SLC24A2: variants seen among roughly 807,000 people sequenced by gnomAD.
SLC24A2 encodes solute carrier family 24 member 2, also known as sodium/potassium/calcium exchanger 2.
In SLC24A2, 36 loss-of-function variants were observed where a neutral mutation model predicts 62.0. The ratio of observed to expected loss-of-function variants is 0.58; its 90% CI spans 0.44 to 0.77. The LOEUF (loss-of-function observed/expected upper bound fraction) is 0.77. Ranked by LOEUF, SLC24A2 falls within the 30% of genes least tolerant of loss-of-function variation. The probability of loss-of-function intolerance (pLI) is 0.00; values close to 1 mark genes in which losing one functional copy is unlikely to be tolerated. For missense variants in SLC24A2, 846 were observed against 817.9 expected (o/e 1.03, Z -0.42); for synonymous variants, 358 against 294.0 (o/e 1.22, Z -2.23).
chr9:19,800,865 G>C, the SLC24A2 span, among the ~76,000 whole-genome samples: 1 of 152,164 alleles, frequency 6.6e-6, no homozygotes, highest in African/African-American at 2.4e-5. Context: ...GAATTAATCT[G>C]TGTCTCTCTT....
intron 8 of SLC24A2, among the ~76,000 whole-genome samples, chr9:19,536,101 C>T (rs1833958226): frequency 1.3e-5 from 2 of 150,052 alleles, no homozygotes; most frequent in Non-Finnish European, 3.0e-5. Flanking sequence ...CTCTTTGTAG[C>T]AGTTGTGAAT....
the SLC24A2 span, among the ~76,000 whole-genome samples, chr9:19,943,141 C>T: frequency 6.6e-6 from 1 of 152,064 alleles, no homozygotes. Flanking sequence ...TAATGCATAC[C>T]TCTAAGTGCA....
At chr9:19,949,587 A>C in the SLC24A2 span, among the ~76,000 whole-genome samples, 1 of 152,196 alleles carries the variant, frequency 6.6e-6, no homozygotes. Flanking sequence ...GTGGCTGTCC[A>C]GTGGAGACTG....
chr9:19,636,319 C>CTTTTCTTTTCT (rs1554690372), intron 2 of SLC24A2, among the ~76,000 whole-genome samples: 82 of 43,376 alleles, frequency 1.9e-3, no homozygotes, highest in South Asian at 3.2e-3. Context: ...CTTTTCTTTT[C>CTTTTCTTTTCT]TTTCTTTCTT....
rs773358507 is a variant in SLC24A2, at chr9:19,749,918, C to G, written c.930+36019G>C. Among the ~76,000 whole-genome samples, 40 of 152,226 alleles carry G rather than the reference C, an allele frequency of 2.6e-4. No homozygotes were observed. In the Middle Eastern group the frequency reaches 0.017, roughly 65 times the overall value. ...TGCATTCTGCTAAAGGGACCATAAA[C>G]CAAATTCTCCCACCTGGGATCACCC... On this transcript the variant is annotated intron_variant, in intron 2 of 10. Transcript: ENST00000341998.
chr9:20,063,531 T>C, the SLC24A2 span, among the ~76,000 whole-genome samples: 2 of 149,160 alleles, frequency 1.3e-5, no homozygotes, highest in African/African-American at 4.9e-5. Flanking sequence ...TTGGGAGATA[T>C]ACCTAATCCA....
Position 19,743,943 on chromosome 9 carries a change from T to C in SLC24A2, c.930+41994A>G, listed in dbSNP as rs186044788. Reference sequence around the variant, plus strand: ...AAACTGTGGGGTTATGTTTATTTGATTGCTTAGTGGCTTAAAATGAAAAAT... The same window carrying C: ...AAACTGTGGGGTTATGTTTATTTGACTGCTTAGTGGCTTAAAATGAAAAAT... On this transcript the variant is annotated intron_variant, in intron 2 of 10. Coordinates refer to ENST00000341998, the MANE Select transcript of SLC24A2 (RefSeq NM_020344.4). 1.4e-3 allele frequency among the ~76,000 whole-genome samples: 208 copies of C among 152,260 alleles called. 1 individual carries two copies. The highest frequency in any genetic ancestry group is 4.6e-3 in the African/African-American group (193 of 41,558).
chr9:19,659,869 C>T (rs1235321474), intron 2 of SLC24A2, among the ~76,000 whole-genome samples: 1 of 152,102 alleles, frequency 6.6e-6, no homozygotes, highest in African/African-American at 2.4e-5. Flanking sequence ...TCATGAATAC[C>T]ATCAGAAGAG....
the SLC24A2 span, among the ~76,000 whole-genome samples, chr9:19,874,252 GT>G: frequency 2.0e-5 from 3 of 151,272 alleles, no homozygotes; most frequent in Non-Finnish European, 4.4e-5. Flanking sequence ...GCTAATTTTT[GT>G]TTTTTTAGTA....
chr9:19,613,883 C>G (rs1230350379), intron 4 of SLC24A2, among the ~76,000 whole-genome samples: 2 of 152,114 alleles, frequency 1.3e-5, no homozygotes, highest in Non-Finnish European at 1.5e-5. Flanking sequence ...GTCACCTTGC[C>G]TTAGTGGGGC....
At chr9:19,837,031 T>G in the SLC24A2 span, among the ~76,000 whole-genome samples, 1 of 152,138 alleles carries the variant, frequency 6.6e-6, no homozygotes, top group Admixed American at 6.5e-5. Flanking sequence ...TCAACAACCC[T>G]TCATGCTAAA....
At chr9:19,945,431 A>G in the SLC24A2 span, among the ~76,000 whole-genome samples, 3 of 152,146 alleles carry the variant, frequency 2.0e-5, no homozygotes, top group African/African-American at 7.2e-5. Flanking sequence ...GCAGCTGTTC[A>G]CTAGACTTAA....
At chr9:19,683,399 T>A (rs1286801622) in intron 2 of SLC24A2, among the ~76,000 whole-genome samples, 1 of 152,154 alleles carries the variant, frequency 6.6e-6, no homozygotes, top group African/African-American at 2.4e-5. Flanking sequence ...TCTTGAAAGA[T>A]GGAGGAGCTC....
At position 19,622,297 on chromosome 9, in the gene SLC24A2, T is replaced by C. The variant is rs369389091; in HGVS notation, c.933A>G (p.Pro311=). The C allele has an allele frequency of 6.2e-7, 1 of 1,613,022 alleles. No homozygotes were observed. ...KVTAPEAQAK[P]SAARDKDEPT... ...GTTCATCCTTGTCCCTGGCTGCAGA[T>C]GGCTGCATAAGAGAAAAAGGCAAAG... is the stretch of plus-strand genomic sequence containing the variant. Residue 311 remains proline (P), a splice_region_variant and synonymous_variant, in exon 3 of 11, where the codon CCA becomes CCG. Transcript: ENST00000341998.
chr9:19,892,435 G>T, the SLC24A2 span, among the ~76,000 whole-genome samples: 1 of 152,112 alleles, frequency 6.6e-6, no homozygotes, highest in Non-Finnish European at 1.5e-5. Flanking sequence ...TGTCTCTCTT[G>T]TTCTTCACAA....
chr9:20,070,086 C>T, the SLC24A2 span, among the ~76,000 whole-genome samples: 1 of 152,092 alleles, frequency 6.6e-6, no homozygotes, highest in African/African-American at 2.4e-5. Flanking sequence ...CCTTTAAAAG[C>T]CCTTTAAATG....
chr9:19,774,770 A>T (rs1249861578), intron 2 of SLC24A2, among the ~76,000 whole-genome samples: 3 of 152,170 alleles, frequency 2.0e-5, no homozygotes, highest in African/African-American at 7.2e-5. Flanking sequence ...ATGGGTAAAG[A>T]AGCCCTCATT....
the SLC24A2 span, among the ~76,000 whole-genome samples, chr9:19,837,243 G>C: frequency 6.6e-6 from 1 of 151,478 alleles, no homozygotes; most frequent in Non-Finnish European, 1.5e-5. Context: ...ATGAGGTCAG[G>C]AGATCGAGAC....
At chr9:19,523,075 C>G (rs145641954) in intron 9 of SLC24A2, among the ~76,000 whole-genome samples, 21 of 152,218 alleles carry the variant, frequency 1.4e-4, no homozygotes, top group Non-Finnish European at 3.1e-4. Context: ...TCCAGCTACT[C>G]GGGGGTTGAG....
Sources: allele counts gnomAD v4.1 joint callset (sites outside exome capture counted in the v4.1 genomes callset), GRCh38; gene constraint gnomAD v4.1.1; transcripts MANE v1.5; gene names NCBI Gene and HGNC (gene_info 2026-07-23, HGNC 2026-07-21).